The following AFF2 variants were observed in gnomAD, a reference collection of about 807,000 sequenced individuals.
The protein encoded by AFF2 is ALF transcription elongation factor 2.
Under a neutral mutation model 76.9 loss-of-function variants are expected in AFF2, and 14 were observed. That is an observed-to-expected ratio of 0.18 (90% CI 0.12 to 0.28). The LOEUF (loss-of-function observed/expected upper bound fraction) is 0.28, where lower values mean the gene tolerates loss of function less well. Among genes scored for constraint, AFF2 ranks in the 10% least tolerant of loss-of-function variants. AFF2 has a pLI of 1.00. For missense variants in AFF2, 868 were observed against 1,001.1 expected, an observed-to-expected ratio of 0.87 and a Z score of 1.79; for synonymous variants, 398 against 366.7, an observed-to-expected ratio of 1.09 and a Z score of -0.98.
intron 3 of AFF2, among the ~76,000 whole-genome samples, chrX:148,690,652 T>A (rs1290158204): frequency 8.9e-6 from 1 of 112,181 alleles, no homozygotes; most frequent in African/African-American, 3.2e-5. Context: ...GAGGCAAGAG[T>A]GTTTAGCAGT....
chrX:148,980,351 C>T (rs781982661), intron 18 of AFF2, among the ~76,000 whole-genome samples: 18 of 112,138 alleles, frequency 1.6e-4, no homozygotes, highest in Non-Finnish European at 3.4e-4. Context: ...GCTCACTCTG[C>T]ATCCCAGGGA....
chrX:148,563,717 C>T (rs990288741), intron 1 of AFF2, among the ~76,000 whole-genome samples: 1 of 112,176 alleles, frequency 8.9e-6, no homozygotes, highest in African/African-American at 3.2e-5. Context: ...AAACTATTTG[C>T]AGTACTCAAA....
At chrX:148,651,526 A>G (rs2054201925) in intron 1 of AFF2, among the ~76,000 whole-genome samples, 1 of 111,928 alleles carries the variant, frequency 8.9e-6, no homozygotes, top group African/African-American at 3.3e-5. Context: ...CATCAAAACA[A>G]GCTCACTTTG....
chrX:148,879,508 A>G (rs930891572), intron 7 of AFF2, among the ~76,000 whole-genome samples: 1 of 111,968 alleles, frequency 8.9e-6, no homozygotes, highest in Non-Finnish European at 1.9e-5. Context: ...TTTGAGTTTA[A>G]GAGTTTGAAA....
chrX:148,568,714 T>C (rs571982701), intron 1 of AFF2, among the ~76,000 whole-genome samples: 2 of 112,039 alleles, frequency 1.8e-5, no homozygotes, highest in African/African-American at 6.5e-5. Context: ...ATGATGCGAA[T>C]TTAGATAGTA....
intron 1 of AFF2, among the ~76,000 whole-genome samples, chrX:148,623,687 T>C (rs1037219640): frequency 9.1e-6 from 1 of 109,336 alleles, no homozygotes; most frequent in Non-Finnish European, 1.9e-5. Flanking sequence ...TGTTAATAAA[T>C]ATATAGGTAA....
At chrX:148,531,189 C>A (rs142632573) in intron 1 of AFF2, among the ~76,000 whole-genome samples, 1 of 111,713 alleles carries the variant, frequency 9.0e-6, no homozygotes, top group Admixed American at 9.5e-5. Context: ...TCCCCATCCC[C>A]CATCTGACAC....
intron 8 of AFF2, among the ~76,000 whole-genome samples, chrX:148,886,363 C>A (rs146737344): frequency 9.0e-6 from 1 of 111,323 alleles, no homozygotes; most frequent in African/African-American, 3.3e-5. Flanking sequence ...AACCCATACT[C>A]ATTAATTTAG....
intron 3 of AFF2, among the ~76,000 whole-genome samples, chrX:148,761,771 T>C (rs1341042027): frequency 9.1e-6 from 1 of 110,430 alleles, no homozygotes; most frequent in African/African-American, 3.3e-5. Context: ...TGTTGCATAG[T>C]AGATCTTAGT....
intron 2 of AFF2, among the ~76,000 whole-genome samples, chrX:148,660,506 A>G (rs1557257591): frequency 8.9e-6 from 1 of 112,178 alleles, no homozygotes; most frequent in South Asian, 3.7e-4. Context: ...CTAGCGCTGG[A>G]TAGGTATACT....
At chrX:148,849,368 C>T in intron 7 of AFF2, among the ~76,000 whole-genome samples, 1 of 3,618 alleles carries the variant, frequency 2.8e-4, no homozygotes. Flanking sequence ...CTCTCTCCTC[C>T]CCCCCCCCCC....
At chrX:148,739,782 G>A (rs973486933) in intron 3 of AFF2, among the ~76,000 whole-genome samples, 1 of 111,571 alleles carries the variant, frequency 9.0e-6, no homozygotes, top group Non-Finnish European at 1.9e-5. Context: ...GTTTTGATGT[G>A]TTTCCAGAAT....
At chrX:148,840,072 A>G (rs1262281264) in intron 5 of AFF2, among the ~76,000 whole-genome samples, 1 of 111,203 alleles carries the variant, frequency 9.0e-6, no homozygotes, top group Non-Finnish European at 1.9e-5. Context: ...TGAAAATGCC[A>G]TGTTTTCTCA....
intron 3 of AFF2, among the ~76,000 whole-genome samples, chrX:148,789,997 T>A (rs1451397376): frequency 9.0e-6 from 1 of 110,907 alleles, no homozygotes; most frequent in Non-Finnish European, 1.9e-5. Context: ...ACAGTAAACC[T>A]CCCATTTAAA....
At chrX:148,600,368 C>T (rs537494430) in intron 1 of AFF2, among the ~76,000 whole-genome samples, 2 of 111,505 alleles carry the variant, frequency 1.8e-5, no homozygotes, top group South Asian at 3.8e-4. Context: ...GCTCCTCTGC[C>T]GGCCTAAATC....
chrX:148,779,184 T>TTGATTG (rs1557268853), intron 3 of AFF2, among the ~76,000 whole-genome samples: 1 of 112,222 alleles, frequency 8.9e-6, no homozygotes, highest in African/African-American at 3.2e-5. Flanking sequence ...GAGTTCTAAT[T>TTGATTG]TGATTGCACT....
At chrX:148,525,156 C>T (rs782077886) in intron 1 of AFF2, among the ~76,000 whole-genome samples, 2 of 110,554 alleles carry the variant, frequency 1.8e-5, no homozygotes, top group African/African-American at 3.3e-5. Context: ...CTTATGTGTA[C>T]GTGTGTGTGT....
At chrX:148,652,820 C>T (rs782070897) in intron 2 of AFF2, among the ~76,000 whole-genome samples, 39 of 111,394 alleles carry the variant, frequency 3.5e-4, no homozygotes, top group African/African-American at 1.1e-3. Context: ...AGATGAGAGG[C>T]GACTGGGAAG....
intron 3 of AFF2, among the ~76,000 whole-genome samples, chrX:148,805,341 G>A (rs782106909): frequency 4.5e-5 from 5 of 111,274 alleles, no homozygotes; most frequent in South Asian, 3.9e-4. Context: ...TTGTGGGACC[G>A]CCCTCAGGAT....
Sources: allele counts gnomAD v4.1 joint callset (sites outside exome capture counted in the v4.1 genomes callset), GRCh38; gene constraint gnomAD v4.1.1; transcripts MANE v1.5; gene names NCBI Gene and HGNC (gene_info 2026-07-23, HGNC 2026-07-21).